ST3GAL3: variants seen among roughly 807,000 people sequenced by gnomAD.
ST3GAL3 encodes ST3 beta-galactoside alpha-2,3-sialyltransferase 3, also known as CMP-N-acetylneuraminate-beta-1,4-galactoside alpha-2,3-sialyltransferase.
ST3GAL3 carries 21 observed loss-of-function variants against 50.1 expected under a neutral mutation model. That is an observed-to-expected ratio of 0.42 (90% CI 0.30 to 0.60). The LOEUF is 0.60. Among genes scored for constraint, ST3GAL3 ranks in the 20% least tolerant of loss-of-function variants. The pLI is 0.19. For synonymous variants in ST3GAL3, 183 were observed against 190.0 expected (o/e 0.96, Z 0.30); for missense variants, 353 against 489.4 (o/e 0.72, Z 2.63).
chr1:43,739,629 C>T (rs750787719), intron 2 of ST3GAL3, among the ~76,000 whole-genome samples: 106 of 152,300 alleles, frequency 7.0e-4, no homozygotes, highest in South Asian at 6.2e-4. Context: ...CCTTCATACT[C>T]TTAGCCTATA....
intron 1 of ST3GAL3, among the ~76,000 whole-genome samples, chr1:43,727,800 G>A (rs145020493): frequency 6.6e-6 from 1 of 151,654 alleles, no homozygotes; most frequent in East Asian, 1.9e-4. Context: ...TTTTTCTCCC[G>A]GAAGACCCAT....
intron 1 of ST3GAL3, among the ~76,000 whole-genome samples, chr1:43,719,934 G>GAAAAAAAAAAAAAAAAAAAAAAA (rs148364295): frequency 4.8e-5 from 2 of 41,704 alleles, no homozygotes; most frequent in Non-Finnish European, 8.0e-5. Context: ...CTCTGTCTCA[G>GAAAAAAAAAAAAAAAAAAAAAAA]AAAAAAAAAA....
At chr1:43,920,336 C>T in intron 9 of ST3GAL3, 68 bp from the exon 10 acceptor site, 1 of 1,608,114 alleles carries the variant, frequency 6.2e-7, no homozygotes, top group Admixed American at 1.7e-5. Context: ...ACTTGGGGTC[C>T]CTGCCACTCC....
rs922600654 is a variant in ST3GAL3, at chr1:43,894,175, G to A, written c.303-208G>A. 3 of 620,206 alleles carry A rather than the reference G, an allele frequency of 4.8e-6. No homozygotes were observed. The African/African-American group carries it at 5.4e-5, about 11-fold the overall frequency. 38.4% of individuals were successfully genotyped at this position (620,206 alleles called of 1,614,324 possible). ...CAGCTAGCCAAATAAAGACTGACCA[G>A]GCCTACTCCCTCAGACTCAGGCTCC... is the stretch of plus-strand genomic sequence containing the variant. On this transcript the variant is annotated intron_variant, in intron 5 of 11. Coordinates refer to ENST00000347631, the MANE Select transcript of ST3GAL3 (RefSeq NM_006279.5).
intron 5 of ST3GAL3, among the ~76,000 whole-genome samples, chr1:43,878,387 AT>A (rs1428865390): frequency 6.6e-6 from 1 of 152,248 alleles, no homozygotes; most frequent in Non-Finnish European, 1.5e-5. Flanking sequence ...GATAAATGCC[AT>A]GGGAAGAAAG....
chr1:43,828,529 G>T (rs2063116111), intron 4 of ST3GAL3, among the ~76,000 whole-genome samples: 1 of 151,980 alleles, frequency 6.6e-6, no homozygotes, highest in African/African-American at 2.4e-5. Flanking sequence ...AATATACAAA[G>T]AACTCTTAAA....
Position 43,838,740 on chromosome 1 carries a change from TGAGTTTTAGCA to T in ST3GAL3, c.302+430_302+440del, listed in dbSNP as rs2064860945. On this transcript the variant is annotated intron_variant, in intron 5 of 11. Coordinates refer to ENST00000347631, the MANE Select transcript of ST3GAL3 (RefSeq NM_006279.5). ...CAAAGAGAAATTTCTGAGGCTGTCT[TGAGTTTTAGCA>T]CTTTCCTTCTCTGTCCATTTTGCAT... is the stretch of plus-strand genomic sequence containing the variant. 1.1e-5 allele frequency: 3 copies of T among 277,724 alleles called. No individual in the cohort carries two copies. In the Admixed American group the frequency reaches 1.4e-4, roughly 13 times the overall value. The allele number at this position is 277,724 out of a possible 1,614,324, so 17.2% of individuals were successfully genotyped here.
intron 1 of ST3GAL3, among the ~76,000 whole-genome samples, chr1:43,716,848 G>A (rs1667642043): frequency 6.6e-6 from 1 of 152,144 alleles, no homozygotes; most frequent in Admixed American, 6.6e-5. Context: ...AGTGCCCTTC[G>A]AGGTGTACAT....
chr1:43,719,257 A>G (rs1669086543), intron 1 of ST3GAL3: 2 of 152,250 alleles, frequency 1.3e-5, no homozygotes, highest in African/African-American at 2.4e-5. Flanking sequence ...AAATAAGCAC[A>G]TAGAAAGAGG....
chr1:43,810,260 G>A (rs1203628680), intron 3 of ST3GAL3, among the ~76,000 whole-genome samples: 1 of 152,172 alleles, frequency 6.6e-6, no homozygotes, highest in African/African-American at 2.4e-5. Context: ...TCGCAGCAAA[G>A]TATGTCATAA....
At chr1:43,765,766 T>C (rs1692404077) in intron 2 of ST3GAL3, among the ~76,000 whole-genome samples, 2 of 140,838 alleles carry the variant, frequency 1.4e-5, no homozygotes, top group African/African-American at 6.0e-5. Flanking sequence ...TGTGTGTGTG[T>C]GTGTGTGTGT....
Position 43,817,897 on chromosome 1 carries a change from C to CTTCTTT in ST3GAL3, c.209+2966_209+2967insCTTTTT, listed in dbSNP as rs2061617514. 1.4e-5 allele frequency among the ~76,000 whole-genome samples: 2 copies of CTTCTTT among 140,896 alleles called. 1 individual carries two copies. Among genetic ancestry groups the CTTCTTT allele is most frequent in the Non-Finnish European group, 3.1e-5 (2 of 64,758 alleles). 92.4% of individuals were successfully genotyped at this position (140,896 alleles called of 152,430 possible). The stretch of plus-strand genomic sequence containing the variant: ...TCCTCCTCCTCCTTCTTTCTTCTTT[C>CTTCTTT]TTTTTTCTTCTTCTTTTGGTACAGA... On this transcript the variant is annotated intron_variant, in intron 4 of 11. Coordinates refer to ENST00000347631, the MANE Select transcript of ST3GAL3 (RefSeq NM_006279.5).
At chr1:43,801,998 T>TCAAA (rs55640224) in intron 3 of ST3GAL3, among the ~76,000 whole-genome samples, 30 of 151,678 alleles carry the variant, frequency 2.0e-4, no homozygotes, top group Non-Finnish European at 2.8e-4. Flanking sequence ...AGACCCTGTG[T>TCAAA]CAAACAAACA....
intron 9 of ST3GAL3, among the ~76,000 whole-genome samples, chr1:43,915,766 CTCT>C (rs1255791666): frequency 2.6e-5 from 4 of 152,310 alleles, no homozygotes; most frequent in East Asian, 3.9e-4. Context: ...AAAGGCTCAG[CTCT>C]TCTTTAGGCA....
chr1:43,870,502 C>T (rs2072424105), intron 5 of ST3GAL3, among the ~76,000 whole-genome samples: 1 of 152,196 alleles, frequency 6.6e-6, no homozygotes, highest in African/African-American at 2.4e-5. Context: ...GAGAACAGAC[C>T]ACCTTCACTG....
At chr1:43,897,380 G>A (rs552341847) in intron 6 of ST3GAL3, among the ~76,000 whole-genome samples, 6 of 152,268 alleles carry the variant, frequency 3.9e-5, no homozygotes, top group Non-Finnish European at 7.4e-5. Context: ...TTTCATTTTA[G>A]AGATGAGGAA....
chr1:43,917,476 A>ATAT (rs2082040555), intron 9 of ST3GAL3, among the ~76,000 whole-genome samples: 1 of 78,466 alleles, frequency 1.3e-5, no homozygotes, highest in Non-Finnish European at 2.3e-5. Flanking sequence ...AATATATAAT[A>ATAT]TATATAATAT....
intron 1 of ST3GAL3, among the ~76,000 whole-genome samples, chr1:43,731,427 C>CGGGCT (rs1333152626): frequency 7.2e-6 from 1 of 138,104 alleles, no homozygotes; most frequent in African/African-American, 2.7e-5. Flanking sequence ...CTCTGTCACT[C>CGGGCT]GGGCTGGAGT....
intron 1 of ST3GAL3, chr1:43,716,559 C>A (rs1262183710): frequency 6.6e-6 from 1 of 152,104 alleles, no homozygotes; most frequent in Non-Finnish European, 1.5e-5. Context: ...ATAAAAAAAT[C>A]TTTTTAACAT....
Sources: allele counts gnomAD v4.1 joint callset (sites outside exome capture counted in the v4.1 genomes callset), GRCh38; gene constraint gnomAD v4.1.1; transcripts MANE v1.5; gene names NCBI Gene and HGNC (gene_info 2026-07-23, HGNC 2026-07-21).